Variants in ABCB10 observed in about 807,000 individuals in gnomAD.
The protein encoded by ABCB10 is ATP binding cassette subfamily B member 10, also known as ATP-binding cassette sub-family B member 10, mitochondrial.
In ABCB10, 54 loss-of-function variants were observed where a neutral mutation model predicts 65.4. The ratio of observed to expected loss-of-function variants is 0.83; its 90% confidence interval spans 0.66 to 1.04. The LOEUF (loss-of-function observed/expected upper bound fraction) is 1.04. Among genes scored for constraint, ABCB10 ranks in the 50% least tolerant of loss-of-function variants. ABCB10 has a pLI of 0.00. For synonymous variants in ABCB10, 418 were observed against 406.5 expected, an observed-to-expected ratio of 1.03 and a Z score of -0.34; for missense variants, 846 against 976.6, an observed-to-expected ratio of 0.87 and a Z score of 1.78.
chr1:229,547,423 C>T, intron 3 of ABCB10, 76 bp downstream of exon 3: 7 of 1,539,724 alleles, frequency 4.5e-6, no homozygotes, highest in Non-Finnish European at 4.5e-6. Flanking sequence ...TCAGCTTGAG[C>T]TCGTCTCACA....
intron 3 of ABCB10, 48 bp downstream of exon 3, chr1:229,547,451 A>G: frequency 3.7e-6 from 6 of 1,603,476 alleles, no homozygotes; most frequent in Non-Finnish European, 5.1e-6. Flanking sequence ...GGCCTGGTGC[A>G]AGCCAAGCCC....
At chr1:229,552,288 A>C (rs1292268259) in intron 1 of ABCB10, among the ~76,000 whole-genome samples, 1 of 152,214 alleles carries the variant, frequency 6.6e-6, no homozygotes, top group Non-Finnish European at 1.5e-5. Context: ...TGAATACTTT[A>C]GACTTGCTCC....
At chr1:229,529,466 C>T (rs1200709875) in intron 8 of ABCB10, among the ~76,000 whole-genome samples, 1 of 149,618 alleles carries the variant, frequency 6.7e-6, no homozygotes, top group African/African-American at 2.5e-5. Flanking sequence ...GTCAGGAGAT[C>T]GAGACCATCC....
intron 6 of ABCB10, 81 bp from the exon 7 acceptor site, chr1:229,531,812 A>G: frequency 1.8e-5 from 19 of 1,067,992 alleles, no homozygotes; most frequent in South Asian, 3.0e-5. Flanking sequence ...AGGAGTGACA[A>G]TGATTGCTTT....
At chr1:229,549,481 G>A in intron 1 of ABCB10, 47 bp from the exon 2 acceptor site, 1 of 1,559,148 alleles carries the variant, frequency 6.4e-7, no homozygotes, top group South Asian at 1.2e-5. Flanking sequence ...TCAGCAAAGG[G>A]GCTGCGGTGC....
intron 10 of ABCB10, 74 bp from the exon 11 acceptor site, chr1:229,521,709 A>G: frequency 1.3e-6 from 2 of 1,530,662 alleles, no homozygotes; most frequent in Non-Finnish European, 9.0e-7. Flanking sequence ...GATAAACCAT[A>G]TAGCAATTTG....
At chr1:229,524,597 T>G (rs968777023) in intron 10 of ABCB10, among the ~76,000 whole-genome samples, 3 of 152,198 alleles carry the variant, frequency 2.0e-5, no homozygotes, top group Non-Finnish European at 4.4e-5. Flanking sequence ...AAACTGAGTC[T>G]TCTCTCTCCT....
intron 9 of ABCB10, 75 bp downstream of exon 9, chr1:229,527,154 C>CAAA (rs113863559): frequency 1.6e-3 from 1,732 of 1,076,768 alleles, no homozygotes; most frequent in African/African-American, 2.3e-3. Context: ...AAGTTCGAGA[C>CAAA]AAAAAAAAAA....
intron 6 of ABCB10, 112 bp from the exon 7 acceptor site, chr1:229,531,843 A>G (rs1480382754): frequency 1.3e-6 from 1 of 792,176 alleles, no homozygotes; most frequent in Non-Finnish European, 1.9e-6. Context: ...TCTGTTATTA[A>G]TATTTTCAAA....
chr1:229,527,158 A>C, intron 9 of ABCB10, 71 bp downstream of exon 9: 2 of 1,429,994 alleles, frequency 1.4e-6, no homozygotes, highest in Non-Finnish European at 1.9e-6. Context: ...TCGAGACAAA[A>C]AAAAAAAAAA....
intron 3 of ABCB10, among the ~76,000 whole-genome samples, chr1:229,546,762 T>A (rs1662976984): frequency 6.6e-6 from 1 of 152,014 alleles, no homozygotes; most frequent in South Asian, 2.1e-4. Context: ...TGTGTGCCTG[T>A]AGTCCCAGAT....
chr1:229,524,191 C>G (rs1300944427), intron 10 of ABCB10, among the ~76,000 whole-genome samples: 1 of 151,784 alleles, frequency 6.6e-6, no homozygotes, highest in Non-Finnish European at 1.5e-5. Flanking sequence ...GAGGCTCACT[C>G]ACTCTGTCAT....
chr1:229,558,031 G>T, intron 1 of ABCB10, 105 bp downstream of exon 1: 1 of 1,190,380 alleles, frequency 8.4e-7, no homozygotes, highest in Non-Finnish European at 1.1e-6. Context: ...AGAGGCGGCG[G>T]TGACACGCGC....
intron 6 of ABCB10, among the ~76,000 whole-genome samples, chr1:229,536,201 A>G (rs1662719497): frequency 6.6e-6 from 1 of 152,124 alleles, no homozygotes; most frequent in Non-Finnish European, 1.5e-5. Context: ...GAAAAAAGAA[A>G]GAAGAAAAAA....
At position 229,542,231 on chromosome 1, in the gene ABCB10, C is replaced by T. The variant is rs746201072; in HGVS notation, c.1056+6G>A. ...GGAAACCACGCGGACAGGAAGGGGC[C>T]TTTACCTGAGTGGCTTGTGCCAGGG... On this transcript the variant is annotated splice_donor_region_variant and intron_variant, in intron 4 of 12. Transcript: ENST00000344517. The T allele has an allele frequency of 6.2e-6, 10 of 1,613,600 alleles. No homozygotes were observed. Among genetic ancestry groups the T allele is most frequent in the Non-Finnish European group, 8.5e-6 (10 of 1,179,856 alleles).
intron 10 of ABCB10, among the ~76,000 whole-genome samples, chr1:229,525,204 C>A (rs1449711638): frequency 6.6e-6 from 1 of 152,080 alleles, no homozygotes; most frequent in Non-Finnish European, 1.5e-5. Flanking sequence ...GTTTGTCAAA[C>A]CCTGGTCTAG....
intron 8 of ABCB10, among the ~76,000 whole-genome samples, chr1:229,529,595 A>G (rs1662530563): frequency 6.9e-6 from 1 of 144,326 alleles, no homozygotes; most frequent in Non-Finnish European, 1.5e-5. Flanking sequence ...GCGGGAACCC[A>G]GGAGGCAGAG....
Position 229,558,359 on chromosome 1 carries a change from G to C in ABCB10, c.294C>G (p.Gly98=), listed in dbSNP as rs1322044607. Residue 98 remains glycine (G), a synonymous_variant, in exon 1 of 13, where the codon GGC becomes GGG. Transcript: ENST00000344517. ...RLLGLWARGP[G]SCRCGAFAGP... ...CGGCAAAAGCCCCGCACCTGCAGCT[G>C]CCGGGGCCGCGAGCCCACAGCCCCA... 2 of 1,251,886 alleles carry C rather than the reference G, an allele frequency of 1.6e-6. No homozygotes were observed. Among genetic ancestry groups the C allele is most frequent in the African/African-American group, 1.6e-5 (1 of 62,716 alleles). The allele number at this position is 1,251,886 out of a possible 1,614,324, so 77.5% of individuals were successfully genotyped here. A position where few individuals can be genotyped will look rare whatever the true frequency, so the allele number is the denominator to read the frequency against.
chr1:229,546,159 G>A (rs1406906837), intron 3 of ABCB10, among the ~76,000 whole-genome samples: 3 of 137,208 alleles, frequency 2.2e-5, no homozygotes, highest in Admixed American at 7.8e-5. Context: ...ATGACAGTGC[G>A]ATACTCCGTC....
Sources: gnomAD v4.1 joint callset for allele counts (sites outside exome capture counted in the v4.1 genomes callset) on GRCh38, gnomAD v4.1.1 for gene constraint, MANE v1.5 for transcripts, NCBI Gene and HGNC (gene_info 2026-07-23, HGNC 2026-07-21) for gene names.